The following DNER variants were observed in gnomAD, a reference collection of about 807,000 sequenced individuals.
DNER encodes the protein delta/notch like EGF repeat containing, also known as delta and Notch-like epidermal growth factor-related receptor.
In DNER, 33 loss-of-function variants were observed where a neutral mutation model predicts 78.2. That is an observed-to-expected ratio of 0.42 (90% confidence interval 0.32 to 0.56). The LOEUF is 0.56. Among genes scored for constraint, DNER ranks in the 20% least tolerant of loss-of-function variants. DNER has a pLI of 0.11. For missense variants in DNER, 918 were observed against 975.3 expected (o/e 0.94, Z 0.78); for synonymous variants, 417 against 384.8 (o/e 1.08, Z -0.98).
intron 1 of DNER, among the ~76,000 whole-genome samples, chr2:229,686,431 C>G (rs753970145): frequency 1.1e-4 from 17 of 152,200 alleles, no homozygotes; most frequent in Non-Finnish European, 1.8e-4. Flanking sequence ...AGGAAAGACA[C>G]AGCTCTGGCC....
At chr2:229,476,316 A>G (rs1042108996) in intron 7 of DNER, among the ~76,000 whole-genome samples, 3 of 152,208 alleles carry the variant, frequency 2.0e-5, no homozygotes, top group African/African-American at 7.2e-5. Context: ...CTGGGAAGCC[A>G]GTGGCCTCTT....
At chr2:229,461,344 T>C (rs998830653) in intron 7 of DNER, among the ~76,000 whole-genome samples, 3 of 152,098 alleles carry the variant, frequency 2.0e-5, no homozygotes, top group Admixed American at 1.3e-4. Flanking sequence ...TTTCTCTTTT[T>C]ATTAGCACGG....
intron 1 of DNER, among the ~76,000 whole-genome samples, chr2:229,651,645 A>G (rs1383322903): frequency 6.6e-6 from 1 of 152,224 alleles, no homozygotes; most frequent in South Asian, 2.1e-4. Flanking sequence ...GCCTGGAGCA[A>G]GTGAGGATAA....
At chr2:229,501,682 G>T (rs1695627152) in intron 6 of DNER, among the ~76,000 whole-genome samples, 1 of 152,062 alleles carries the variant, frequency 6.6e-6, no homozygotes, top group Non-Finnish European at 1.5e-5. Flanking sequence ...AAATAATTTT[G>T]CATGATCAAA....
chr2:229,679,542 C>T (rs1165505436), intron 1 of DNER, among the ~76,000 whole-genome samples: 6 of 152,060 alleles, frequency 3.9e-5, no homozygotes, highest in East Asian at 1.9e-4. Flanking sequence ...TAATACCTAA[C>T]GTCGTCTGAC....
intron 10 of DNER, among the ~76,000 whole-genome samples, chr2:229,392,474 A>G (rs981517931): frequency 6.6e-6 from 1 of 151,680 alleles, no homozygotes; most frequent in Non-Finnish European, 1.5e-5. Context: ...AATTTGTAGG[A>G]AAGACCACAA....
intron 4 of DNER, among the ~76,000 whole-genome samples, chr2:229,558,374 T>G (rs1696892688): frequency 6.6e-6 from 1 of 152,126 alleles, no homozygotes; most frequent in African/African-American, 2.4e-5. Context: ...ACCCCAGAAC[T>G]TCAAATATAA....
At chr2:229,537,050 C>T (rs992547678) in intron 5 of DNER, among the ~76,000 whole-genome samples, 4 of 152,076 alleles carry the variant, frequency 2.6e-5, no homozygotes, top group Admixed American at 2.0e-4. Flanking sequence ...GCCTTTAGTG[C>T]GTTGGTGTAA....
Position 229,455,370 on chromosome 2 carries a change from T to A in DNER, c.1262-7830A>T, listed in dbSNP as rs184783535. On this transcript the variant is annotated intron_variant, in intron 7 of 12. Coordinates refer to ENST00000341772, the MANE Select transcript of DNER (RefSeq NM_139072.4). ...CCATGAAGTCAAGTAAGGTGACACATGTGGTCAATAAATGTCGGATTCTTT... is the reference window on the plus strand; with the variant it reads ...CCATGAAGTCAAGTAAGGTGACACAAGTGGTCAATAAATGTCGGATTCTTT... Among the ~76,000 whole-genome samples the A allele has an allele frequency of 1.9e-4, 29 of 152,228 alleles. 3 individuals are homozygous for A. Among genetic ancestry groups the A allele is most frequent in the African/African-American group, 7.0e-4 (29 of 41,470 alleles).
At chr2:229,547,383 C>T (rs77085221) in intron 4 of DNER, among the ~76,000 whole-genome samples, 4,708 of 152,296 alleles carry the variant, frequency 0.031, 245 homozygotes, top group African/African-American at 0.11. Flanking sequence ...TTTCGCTTTG[C>T]TCCCGCCCTT....
intron 4 of DNER, among the ~76,000 whole-genome samples, chr2:229,574,702 A>G (rs1309151039): frequency 6.6e-6 from 1 of 152,212 alleles, no homozygotes; most frequent in Admixed American, 6.5e-5. Flanking sequence ...ATTCTTCAAA[A>G]GAAAATAAAT....
At chr2:229,374,758 GAAATC>G (rs984151303) in intron 11 of DNER, among the ~76,000 whole-genome samples, 2 of 151,998 alleles carry the variant, frequency 1.3e-5, no homozygotes, top group Non-Finnish European at 2.9e-5. Context: ...GTAGATTGTA[GAAATC>G]AATGTAATGG....
chr2:229,680,927 G>A (rs1359735152), intron 1 of DNER, among the ~76,000 whole-genome samples: 1 of 152,222 alleles, frequency 6.6e-6, no homozygotes, highest in Non-Finnish European at 1.5e-5. Context: ...GGATACTGAT[G>A]AAGTCTGCTT....
intron 1 of DNER, among the ~76,000 whole-genome samples, chr2:229,654,397 C>T (rs945048116): frequency 1.3e-5 from 2 of 152,068 alleles, no homozygotes; most frequent in African/African-American, 4.8e-5. Context: ...TTGGAACCAA[C>T]CCAAATGTCC....
At chr2:229,618,546 C>T (rs1698204140) in intron 1 of DNER, among the ~76,000 whole-genome samples, 1 of 152,192 alleles carries the variant, frequency 6.6e-6, no homozygotes, top group South Asian at 2.1e-4. Flanking sequence ...ACGCATCAGC[C>T]TCGCAAAGCT....
intron 11 of DNER, among the ~76,000 whole-genome samples, chr2:229,370,699 T>A (rs1483127760): frequency 6.6e-6 from 1 of 152,004 alleles, no homozygotes; most frequent in African/African-American, 2.4e-5. Context: ...CAGGCAGGAG[T>A]CCAACACTCA....
intron 11 of DNER, among the ~76,000 whole-genome samples, chr2:229,378,124 G>T (rs929894552): frequency 5.3e-5 from 8 of 152,130 alleles, no homozygotes; most frequent in African/African-American, 1.7e-4. Flanking sequence ...GCAGCCTTAA[G>T]GTTAGAAAAG....
At chr2:229,361,978 G>T (rs977311407) in intron 12 of DNER, among the ~76,000 whole-genome samples, 1 of 152,110 alleles carries the variant, frequency 6.6e-6, no homozygotes, top group Non-Finnish European at 1.5e-5. Flanking sequence ...CATGGCCCAC[G>T]ACATGACCAC....
chr2:229,490,828 A>G (rs1052418477), intron 6 of DNER, among the ~76,000 whole-genome samples: 2 of 152,206 alleles, frequency 1.3e-5, no homozygotes, highest in African/African-American at 4.8e-5. Context: ...AGGAAGTGTT[A>G]TCAGCTGTAC....
Sources: gnomAD v4.1 joint callset for allele counts (sites outside exome capture counted in the v4.1 genomes callset) on GRCh38, gnomAD v4.1.1 for gene constraint, MANE v1.5 for transcripts, NCBI Gene and HGNC (gene_info 2026-07-23, HGNC 2026-07-21) for gene names.